The following CBLB variants were observed in gnomAD, a reference collection of about 807,000 sequenced individuals.
CBLB encodes Cbl proto-oncogene B.
Under a neutral mutation model 104.9 loss-of-function variants are expected in CBLB, and 31 were observed. The observed-to-expected ratio is 0.30, with a 90% CI of 0.22 to 0.40. The LOEUF is 0.40. Among genes scored for constraint, CBLB ranks in the 10% least tolerant of loss-of-function variants. The pLI, the probability that CBLB is intolerant of heterozygous loss-of-function variation, is 1.00. For synonymous variants in CBLB, 440 were observed against 422.6 expected, an observed-to-expected ratio of 1.04 and a Z score of -0.51; for missense variants, 1,062 against 1,214.6, an observed-to-expected ratio of 0.87 and a Z score of 1.87.
At chr3:105,780,326 C>G (rs1331132434) in intron 3 of CBLB, among the ~76,000 whole-genome samples, 3 of 152,096 alleles carry the variant, frequency 2.0e-5, no homozygotes, top group Non-Finnish European at 4.4e-5. Context: ...CTTCCCTAAG[C>G]CCATGGGATT....
intron 3 of CBLB, among the ~76,000 whole-genome samples, chr3:105,829,703 C>CAAAAAAAAAAAAAAAAAAAAAAAAAAA (rs1553844797): frequency 1.7e-5 from 1 of 60,102 alleles, no homozygotes. Context: ...AAAAAAAAAC[C>CAAAAAAAAAAAAAAAAAAAAAAAAAAA]AAACTGCAGC....
intron 6 of CBLB, among the ~76,000 whole-genome samples, chr3:105,743,908 G>GA (rs2075861794): frequency 6.6e-6 from 1 of 151,454 alleles, no homozygotes; most frequent in Non-Finnish European, 1.5e-5. Context: ...AAATTTAGTA[G>GA]AAAAAATCAT....
intron 10 of CBLB, among the ~76,000 whole-genome samples, chr3:105,706,046 G>A (rs1024226341): frequency 2.0e-5 from 3 of 152,012 alleles, no homozygotes; most frequent in Non-Finnish European, 4.4e-5. Flanking sequence ...AGAGGCTAAG[G>A]TAGGAGGATT....
intron 4 of CBLB, among the ~76,000 whole-genome samples, chr3:105,771,861 A>C (rs953564784): frequency 2.0e-5 from 3 of 152,192 alleles, no homozygotes. Context: ...GGAAAACTAC[A>C]AAACACTGAA....
chr3:105,714,169 A>G (rs993649723), intron 10 of CBLB, among the ~76,000 whole-genome samples: 1 of 152,180 alleles, frequency 6.6e-6, no homozygotes, highest in African/African-American at 2.4e-5. Context: ...GCTGCAAAAC[A>G]CTGTGATATG....
chr3:105,855,264 GGAAGAAATGGAGAGAA>G (rs1301794341), intron 2 of CBLB, among the ~76,000 whole-genome samples: 1 of 152,142 alleles, frequency 6.6e-6, no homozygotes, highest in Non-Finnish European at 1.5e-5. Context: ...GATGGGGAGG[GGAAGAAATGGAGAGAA>G]GAAGGTCAAA....
intron 9 of CBLB, 99 bp from the exon 10 acceptor site, chr3:105,720,349 A>C: frequency 1.0e-5 from 12 of 1,157,162 alleles, no homozygotes; most frequent in Non-Finnish European, 1.5e-5. Context: ...CACCCCCAAA[A>C]AGACTTTTTG....
intron 3 of CBLB, among the ~76,000 whole-genome samples, chr3:105,814,337 CTGT>C (rs1005832874): frequency 2.6e-5 from 4 of 152,182 alleles, no homozygotes; most frequent in African/African-American, 7.2e-5. Context: ...ATTACTGAGA[CTGT>C]TGATTCCCTT....
intron 2 of CBLB, among the ~76,000 whole-genome samples, chr3:105,858,252 A>G (rs1421489373): frequency 1.3e-5 from 2 of 152,208 alleles, no homozygotes; most frequent in African/African-American, 2.4e-5. Flanking sequence ...CCTGTGATTT[A>G]TGACAGCTTC....
intron 6 of CBLB, among the ~76,000 whole-genome samples, chr3:105,744,226 T>G (rs2075893179): frequency 6.6e-6 from 1 of 151,830 alleles, no homozygotes; most frequent in African/African-American, 2.4e-5. Flanking sequence ...TTTCTATGAT[T>G]GGACAAGAAA....
chr3:105,712,632 C>T (rs1021752495), intron 10 of CBLB, among the ~76,000 whole-genome samples: 7 of 152,144 alleles, frequency 4.6e-5, no homozygotes, highest in African/African-American at 1.4e-4. Context: ...CTTAGTTATA[C>T]AGAAAATAAG....
intron 17 of CBLB, among the ~76,000 whole-genome samples, chr3:105,675,495 T>G (rs917905627): frequency 3.9e-5 from 6 of 152,212 alleles, no homozygotes; most frequent in African/African-American, 1.4e-4. Flanking sequence ...CTCTATGATA[T>G]GCAATAGCAT....
At chr3:105,794,918 C>CT (rs201226105) in intron 3 of CBLB, among the ~76,000 whole-genome samples, 8,224 of 142,258 alleles carry the variant, frequency 0.058, 306 homozygotes, top group East Asian at 0.17. Flanking sequence ...ATAATGGCAA[C>CT]TTTTTTTTTT....
intron 18 of CBLB, among the ~76,000 whole-genome samples, chr3:105,661,477 G>A (rs2063784223): frequency 6.6e-6 from 1 of 152,054 alleles, no homozygotes; most frequent in South Asian, 2.1e-4. Flanking sequence ...TCTGTTCTGA[G>A]ACACTTTTAG....
At chr3:105,866,381 T>G (rs1169033218) in intron 2 of CBLB, among the ~76,000 whole-genome samples, 1 of 152,216 alleles carries the variant, frequency 6.6e-6, no homozygotes, top group Non-Finnish European at 1.5e-5. Flanking sequence ...CATGGATGCT[T>G]TGGCACATCC....
At chr3:105,683,070 T>G (rs771063576) in intron 14 of CBLB, among the ~76,000 whole-genome samples, 1 of 152,240 alleles carries the variant, frequency 6.6e-6, no homozygotes, top group Non-Finnish European at 1.5e-5. Flanking sequence ...ATGCTTCATC[T>G]GAAATTCATT....
At chr3:105,846,998 G>C (rs543589834) in intron 3 of CBLB, among the ~76,000 whole-genome samples, 1 of 152,136 alleles carries the variant, frequency 6.6e-6, no homozygotes, top group South Asian at 2.1e-4. Flanking sequence ...TCAAAGCAAT[G>C]ATGTCATACA....
At chr3:105,711,462 G>C (rs1011118765) in intron 10 of CBLB, among the ~76,000 whole-genome samples, 6 of 151,964 alleles carry the variant, frequency 3.9e-5, no homozygotes, top group African/African-American at 1.2e-4. Flanking sequence ...AGCCTATACA[G>C]AATATTATTC....
chr3:105,670,335 C>T lies in CBLB; in HGVS notation c.2587G>A (p.Ala863Thr). The change falls in exon 18 of 19, where the codon GCA (alanine) becomes ACA (threonine). Residue 863 changes from alanine to threonine, a missense_variant. Physicochemically the swap from Ala to Thr is moderately conservative, Grantham distance 58 (BLOSUM62 0). Around this residue, in one of 2 missense-constraint regions of CBLB, gnomAD observed 605 missense variants for 582.6 expected, o/e 1.04. Transcript: ENST00000394030. ...GGAGGCAAAGGAACTTGGCCACTTG[C>T]TAGATCAACAAAGGGATCTTAAAAA... The part of the protein sequence containing the change: ...LLPSDPFVDL[A>T]SGQVPLPPAR... 1 of 1,611,378 alleles carries T rather than the reference C, an allele frequency of 6.2e-7. No homozygotes were observed. Among genetic ancestry groups the T allele is most frequent in the South Asian group, 1.1e-5 (1 of 91,028 alleles).
Sources: allele counts gnomAD v4.1 joint callset (sites outside exome capture counted in the v4.1 genomes callset), GRCh38; gene constraint gnomAD v4.1.1; regional missense constraint gnomAD v4.1.1; transcripts MANE v1.5; gene names NCBI Gene and HGNC (gene_info 2026-07-23, HGNC 2026-07-21).